TIAM1: variants seen among roughly 807,000 people sequenced by gnomAD.
TIAM1 encodes TIAM Rac1 associated GEF 1.
In TIAM1, 65 loss-of-function variants were observed where a neutral mutation model predicts 163.5. That is an observed-to-expected ratio of 0.40 (90% CI 0.33 to 0.49). The LOEUF (loss-of-function observed/expected upper bound fraction) is 0.49, where lower values mean the gene tolerates loss of function less well. Ranked by LOEUF, TIAM1 falls within the 20% of genes least tolerant of loss-of-function variation. The pLI, the probability that TIAM1 is intolerant of heterozygous loss-of-function variation, is 0.77. For missense variants in TIAM1, 1,789 were observed against 2,044.7 expected (o/e 0.87, Z 2.41); for synonymous variants, 833 against 810.1 (o/e 1.03, Z -0.48).
At chr21:31,236,123 C>T (rs1262002063) in intron 6 of TIAM1, among the ~76,000 whole-genome samples, 3 of 152,180 alleles carry the variant, frequency 2.0e-5, no homozygotes, top group African/African-American at 4.8e-5. Context: ...AAAAGATGCC[C>T]GAAGCTCTTG....
chr21:31,171,078 A>G (rs2146390021), intron 15 of TIAM1, among the ~76,000 whole-genome samples: 1 of 149,854 alleles, frequency 6.7e-6, no homozygotes, highest in Middle Eastern at 3.4e-3. Flanking sequence ...GGCCATCTGT[A>G]TATGGAAATG....
At chr21:31,150,299 A>G (rs2083317573) in intron 19 of TIAM1, among the ~76,000 whole-genome samples, 1 of 152,204 alleles carries the variant, frequency 6.6e-6, no homozygotes, top group Non-Finnish European at 1.5e-5. Flanking sequence ...ACAAAAAAAC[A>G]TATATTGAGG....
At chr21:31,290,645 T>A (rs1159130055) in intron 2 of TIAM1, among the ~76,000 whole-genome samples, 1 of 43,002 alleles carries the variant, frequency 2.3e-5, no homozygotes, top group Non-Finnish European at 3.8e-5. Flanking sequence ...AGACTCTATC[T>A]CAAAAAAAAA....
At position 31,186,739 on chromosome 21, in the gene TIAM1, C is replaced by T. The variant is rs544637241; in HGVS notation, c.2662+262G>A. 1.3e-4 allele frequency among the ~76,000 whole-genome samples: 20 copies of T among 152,128 alleles called. 1 individual carries two copies. The South Asian group carries it at 3.3e-3, about 25-fold the overall frequency. The stretch of plus-strand genomic sequence containing the variant: ...GATGCTACAGTGACCTATGATTGCG[C>T]CACTGGACTCCAGCCTGGGTGATAG... On this transcript the variant is annotated intron_variant, in intron 14 of 27. Transcript: ENST00000541036.
intron 2 of TIAM1, among the ~76,000 whole-genome samples, chr21:31,306,853 T>C (rs191309970): frequency 7.2e-5 from 11 of 152,304 alleles, no homozygotes; most frequent in Admixed American, 1.3e-4. Flanking sequence ...AGCGCCCCGA[T>C]TGACTGGCAG....
intron 2 of TIAM1, among the ~76,000 whole-genome samples, chr21:31,290,040 G>A (rs1295386217): frequency 3.9e-5 from 6 of 152,138 alleles, no homozygotes; most frequent in Admixed American, 6.5e-5. Context: ...TGCCCACCCC[G>A]AAGAGTATGC....
chr21:31,410,391 T>C (rs114365626), intron 2 of TIAM1, among the ~76,000 whole-genome samples: 4 of 151,838 alleles, frequency 2.6e-5, no homozygotes, highest in Admixed American at 6.6e-5. Flanking sequence ...TGTGTGACGG[T>C]ACGTAAATGA....
intron 2 of TIAM1, among the ~76,000 whole-genome samples, chr21:31,406,954 C>A (rs2077258045): frequency 6.6e-6 from 1 of 152,204 alleles, no homozygotes; most frequent in African/African-American, 2.4e-5. Flanking sequence ...CAAAACCATT[C>A]TCCTCCCTTC....
Position 31,365,610 on chromosome 21 carries a change from C to A in TIAM1, c.-368-26188G>T, listed in dbSNP as rs185492162. Among the ~76,000 whole-genome samples, 22 of 151,694 alleles carry A rather than the reference C, an allele frequency of 1.5e-4. No individual in the cohort carries two copies. The East Asian group carries it at 4.2e-3, about 29-fold the overall frequency. ...TTCACACCATGTTAGCCAGGATGGT[C>A]TCGATCTCCTGACCTCGTGATCCAC... is the stretch of plus-strand genomic sequence containing the variant. On this transcript the variant is annotated intron_variant, in intron 2 of 28. Transcript: ENST00000286827.
intron 2 of TIAM1, among the ~76,000 whole-genome samples, chr21:31,338,378 G>C (rs2075912966): frequency 6.6e-6 from 1 of 152,180 alleles, no homozygotes; most frequent in African/African-American, 2.4e-5. Flanking sequence ...GCCCAACCTG[G>C]TAAAGGTTAA....
chr21:31,367,501 A>T (rs2076522633), intron 2 of TIAM1, among the ~76,000 whole-genome samples: 1 of 152,174 alleles, frequency 6.6e-6, no homozygotes, highest in Non-Finnish European at 1.5e-5. Flanking sequence ...AGAAGTCTCC[A>T]TAGCAACTGA....
intron 8 of TIAM1, among the ~76,000 whole-genome samples, chr21:31,222,676 C>CATATATATATATATATATAT (rs146567405): frequency 2.1e-5 from 1 of 48,226 alleles, no homozygotes; most frequent in African/African-American, 6.5e-5. Flanking sequence ...TGTACACATA[C>CATATATATATATATATATAT]ATATATATAT....
chr21:31,440,349 T>C (rs1402952223), intron 2 of TIAM1, among the ~76,000 whole-genome samples: 1 of 152,184 alleles, frequency 6.6e-6, no homozygotes, highest in African/African-American at 2.4e-5. Flanking sequence ...AAATATTTCT[T>C]CTTACCTAGT....
At chr21:31,394,704 TCTC>T (rs1569293332) in intron 2 of TIAM1, among the ~76,000 whole-genome samples, 4 of 93,496 alleles carry the variant, frequency 4.3e-5, no homozygotes, top group Non-Finnish European at 6.6e-5. Flanking sequence ...TCTCTCTCTC[TCTC>T]GCTCTCTCTC....
chr21:31,323,696 T>G (rs973214359), intron 2 of TIAM1, among the ~76,000 whole-genome samples: 1 of 151,898 alleles, frequency 6.6e-6, no homozygotes, highest in Non-Finnish European at 1.5e-5. Context: ...CTGGGTATGG[T>G]GGTGCGGGCC....
chr21:31,555,551 G>C (rs185793091), intron 1 of TIAM1, among the ~76,000 whole-genome samples: 1 of 152,028 alleles, frequency 6.6e-6, no homozygotes, highest in South Asian at 2.1e-4. Context: ...ACTTTCATGA[G>C]AATCTGTAAC....
At chr21:31,215,568 G>GAAA (rs398040071) in intron 9 of TIAM1, among the ~76,000 whole-genome samples, 2,083 of 75,428 alleles carry the variant, frequency 0.028, 84 homozygotes, top group African/African-American at 0.083. Flanking sequence ...TCTCAAAAAA[G>GAAA]AAAAAAAAAA....
intron 2 of TIAM1, among the ~76,000 whole-genome samples, chr21:31,413,461 G>C (rs1289609335): frequency 2.0e-5 from 3 of 151,632 alleles, no homozygotes; most frequent in African/African-American, 4.8e-5. Context: ...CAGTAGAGAC[G>C]GGGTTTCACC....
intron 4 of TIAM1, among the ~76,000 whole-genome samples, chr21:31,259,965 T>C (rs1195593188): frequency 1.3e-5 from 2 of 151,574 alleles, no homozygotes; most frequent in Non-Finnish European, 2.9e-5. Context: ...AGAGATAGGG[T>C]TCTCATTCTG....
Sources: allele counts gnomAD v4.1 joint callset (sites outside exome capture counted in the v4.1 genomes callset), GRCh38; gene constraint gnomAD v4.1.1; transcripts MANE v1.5; gene names NCBI Gene and HGNC (gene_info 2026-07-23, HGNC 2026-07-21).